Variants in ADGB observed in about 807,000 individuals in gnomAD.
The protein encoded by ADGB is androglobin.
ADGB carries 172 observed loss-of-function variants against 210.5 expected under a neutral mutation model. The observed-to-expected ratio is 0.82, with a 90% CI of 0.72 to 0.93. The LOEUF (loss-of-function observed/expected upper bound fraction) is 0.93, where lower values mean the gene tolerates loss of function less well. ADGB is among the 40% of genes least tolerant of loss of function. The pLI is 0.00. For missense variants in ADGB, 2,025 were observed against 1,964.8 expected (o/e 1.03, Z -0.58); for synonymous variants, 658 against 662.7 (o/e 0.99, Z 0.11).
intron 2 of ADGB, among the ~76,000 whole-genome samples, chr6:146,637,349 A>G (rs569229709): frequency 7.2e-5 from 11 of 152,126 alleles, no homozygotes; most frequent in Non-Finnish European, 1.6e-4. Flanking sequence ...CCAAAACCCC[A>G]GGGCTAATGG....
chr6:146,734,672 G>A (rs1049923474), intron 22 of ADGB, among the ~76,000 whole-genome samples: 3 of 152,160 alleles, frequency 2.0e-5, no homozygotes, highest in African/African-American at 4.8e-5. Flanking sequence ...CACTTTGGGA[G>A]GCTGAGGGGG....
At chr6:146,718,930 T>C (rs1322378856) in intron 16 of ADGB, among the ~76,000 whole-genome samples, 3 of 118,490 alleles carry the variant, frequency 2.5e-5, no homozygotes, top group Non-Finnish European at 4.1e-5. Context: ...ACTTTGACTT[T>C]ATAGAGATAA....
intron 18 of ADGB, chr6:146,724,803 A>G (rs1776871079): frequency 6.6e-6 from 1 of 152,146 alleles, no homozygotes; most frequent in South Asian, 2.1e-4. Context: ...TTTGTTAGAT[A>G]TTATTTTTAA....
intron 1 of ADGB, among the ~76,000 whole-genome samples, chr6:146,631,628 G>A (rs1781067377): frequency 6.6e-6 from 1 of 151,984 alleles, no homozygotes; most frequent in Non-Finnish European, 1.5e-5. Flanking sequence ...ACTTTGTCCA[G>A]GTACCATCCC....
intron 32 of ADGB, among the ~76,000 whole-genome samples, chr6:146,787,244 A>C (rs1353130766): frequency 6.6e-6 from 1 of 152,188 alleles, no homozygotes; most frequent in East Asian, 1.9e-4. Flanking sequence ...TTGCATGTGA[A>C]TACTCAGTGG....
At chr6:146,743,281 T>C (rs1777184254) in intron 25 of ADGB, among the ~76,000 whole-genome samples, 2 of 152,238 alleles carry the variant, frequency 1.3e-5, no homozygotes, top group South Asian at 4.1e-4. Context: ...TAGATAAATA[T>C]ACTAATGCTA....
intron 9 of ADGB, among the ~76,000 whole-genome samples, chr6:146,683,657 T>A (rs1373591994): frequency 2.0e-5 from 3 of 152,198 alleles, no homozygotes; most frequent in South Asian, 2.1e-4. Flanking sequence ...CATTCTTTAC[T>A]CCAAGTTTCT....
At chr6:146,695,331 T>A (rs1776387869) in intron 12 of ADGB, among the ~76,000 whole-genome samples, 1 of 152,156 alleles carries the variant, frequency 6.6e-6, no homozygotes. Flanking sequence ...ACCAAATTTT[T>A]AGAATTAGTT....
chr6:146,757,705 A>C (rs1383931280), intron 27 of ADGB, among the ~76,000 whole-genome samples: 1 of 151,750 alleles, frequency 6.6e-6, no homozygotes, highest in Non-Finnish European at 1.5e-5. Flanking sequence ...AACTTTTAAA[A>C]TTTAAATTTT....
chr6:146,616,267 G>T lies in ADGB; in HGVS notation c.74+17153G>T, dbSNP rs1306019549. On this transcript the variant is annotated intron_variant, in intron 1 of 35. Coordinates refer to ENST00000397944, the MANE Select transcript of ADGB (RefSeq NM_024694.4). ...GCCTATTTTTTAATTGTATTATTTG[G>T]GTTTTTTTTTTTTTGCTATTGAGTT... Among the ~76,000 whole-genome samples the T allele has an allele frequency of 8.0e-5, 7 of 88,000 alleles. No homozygotes were observed. The Admixed American group carries it at 8.4e-4, about 11-fold the overall frequency. The allele number at this position is 88,000 out of a possible 152,430, so 57.7% of individuals were successfully genotyped here. A position where few individuals can be genotyped will look rare whatever the true frequency, so the allele number is the denominator to read the frequency against.
At chr6:146,668,012 T>C (rs940900742) in intron 7 of ADGB, among the ~76,000 whole-genome samples, 1 of 152,076 alleles carries the variant, frequency 6.6e-6, no homozygotes, top group Non-Finnish European at 1.5e-5. Flanking sequence ...TGCTTCTTTA[T>C]GTCCAAAAAT....
chr6:146,604,159 A>G (rs1477691645), intron 1 of ADGB, among the ~76,000 whole-genome samples: 1 of 152,188 alleles, frequency 6.6e-6, no homozygotes, highest in East Asian at 1.9e-4. Flanking sequence ...TGGAGCAAGC[A>G]TCCCCCAAAG....
chr6:146,760,963 C>T (rs1031091534), intron 27 of ADGB, among the ~76,000 whole-genome samples: 2 of 151,832 alleles, frequency 1.3e-5, no homozygotes, highest in African/African-American at 4.8e-5. Flanking sequence ...TTATTATTAA[C>T]CTGTTCTTCA....
intron 13 of ADGB, among the ~76,000 whole-genome samples, chr6:146,713,539 C>T (rs1211331034): frequency 2.0e-5 from 3 of 152,144 alleles, no homozygotes; most frequent in South Asian, 2.1e-4. Context: ...TGTATGTCTC[C>T]TTAGAAGGGT....
chr6:146,731,165 G>A (rs546522280), intron 20 of ADGB, among the ~76,000 whole-genome samples: 3 of 152,074 alleles, frequency 2.0e-5, no homozygotes, highest in South Asian at 2.1e-4. Context: ...TGCCTGAGGC[G>A]CAGATCAACC....
chr6:146,746,137 G>A (rs1266363384), intron 26 of ADGB, 28 bp downstream of exon 26: 20 of 1,407,368 alleles, frequency 1.4e-5, no homozygotes, highest in Non-Finnish European at 1.8e-5. Context: ...AAGGGGAAAG[G>A]CATTTTTTAA....
chr6:146,605,761 A>G (rs2114824432), intron 1 of ADGB, among the ~76,000 whole-genome samples: 1 of 152,298 alleles, frequency 6.6e-6, no homozygotes, highest in Non-Finnish European at 1.5e-5. Context: ...GCAAAATTCC[A>G]TGTTTAATGA....
At chr6:146,619,090 C>T (rs1297503685) in intron 1 of ADGB, among the ~76,000 whole-genome samples, 1 of 151,950 alleles carries the variant, frequency 6.6e-6, no homozygotes, top group Admixed American at 6.6e-5. Context: ...GTATTTACCC[C>T]TTTATCATTA....
chr6:146,661,377 C>G (rs557231393), intron 5 of ADGB, among the ~76,000 whole-genome samples: 1 of 151,580 alleles, frequency 6.6e-6, no homozygotes, highest in South Asian at 2.1e-4. Flanking sequence ...GCCATCATCA[C>G]GCCTGACTAA....
Sources: gnomAD v4.1 joint callset for allele counts (sites outside exome capture counted in the v4.1 genomes callset) on GRCh38, gnomAD v4.1.1 for gene constraint, MANE v1.5 for transcripts, NCBI Gene and HGNC (gene_info 2026-07-23, HGNC 2026-07-21) for gene names.